ATXN10: variants seen among roughly 807,000 people sequenced by gnomAD.
The protein encoded by ATXN10 is ataxin-10.
Under a neutral mutation model 52.9 loss-of-function variants are expected in ATXN10, and 28 were observed. The ratio of observed to expected loss-of-function variants is 0.53; its 90% CI spans 0.39 to 0.73. The LOEUF (loss-of-function observed/expected upper bound fraction) is 0.73, where lower values mean the gene tolerates loss of function less well. ATXN10 is among the 30% of genes least tolerant of loss of function. The probability of loss-of-function intolerance (pLI) is 0.00; values close to 1 mark genes in which losing one functional copy is unlikely to be tolerated. For missense variants in ATXN10, 565 were observed against 577.0 expected, an observed-to-expected ratio of 0.98 and a Z score of 0.21; for synonymous variants, 226 against 221.5, an observed-to-expected ratio of 1.02 and a Z score of -0.18.
rs1926909635 is a variant in ATXN10 at position 45,775,251 on chromosome 22, C to CT, written c.1174-31707dup. Reference sequence around the variant, plus strand: ...TGGGAGGGCTGGACATAACAGGAGGCTACTGGTCCTGGGCATGGGGCTGTG... The same window carrying CT: ...TGGGAGGGCTGGACATAACAGGAGGCTTACTGGTCCTGGGCATGGGGCTGTG... On this transcript the variant is annotated intron_variant, in intron 9 of 11. Transcript: ENST00000252934. This position sits in a 1 kb window ranked among gnomAD's most constrained non-coding sequence, Gnocchi z 4.7. Among the ~76,000 whole-genome samples, 1 of 152,170 alleles carries CT rather than the reference C, an allele frequency of 6.6e-6. No homozygotes were observed. Among genetic ancestry groups the CT allele is most frequent in the Non-Finnish European group, 1.5e-5 (1 of 68,030 alleles).
At chr22:45,695,341 A>G (rs1029708006) in intron 3 of ATXN10, among the ~76,000 whole-genome samples, 18 of 151,610 alleles carry the variant, frequency 1.2e-4, no homozygotes, top group African/African-American at 4.4e-4. Flanking sequence ...AAAAAAAAAA[A>G]TTGTCATTGT....
intron 10 of ATXN10, among the ~76,000 whole-genome samples, chr22:45,807,451 G>A (rs1928138892): frequency 6.6e-6 from 1 of 152,212 alleles, no homozygotes; most frequent in Non-Finnish European, 1.5e-5. Context: ...TGGCAACGTA[G>A]AAACATGAGG....
chr22:45,808,897 T>C (rs1002730287), intron 10 of ATXN10, among the ~76,000 whole-genome samples: 5 of 152,236 alleles, frequency 3.3e-5, no homozygotes, highest in African/African-American at 1.2e-4. Context: ...CAGTGAAATA[T>C]TGCAAGATCA....
intron 9 of ATXN10, among the ~76,000 whole-genome samples, chr22:45,788,753 C>T (rs749133392): frequency 2.0e-5 from 3 of 151,992 alleles, no homozygotes; most frequent in South Asian, 2.1e-4. Context: ...AACTCCTGAG[C>T]GATCCTCCCA....
chr22:45,747,828 C>T (rs1925793019), intron 9 of ATXN10, among the ~76,000 whole-genome samples: 1 of 152,066 alleles, frequency 6.6e-6, no homozygotes, highest in Admixed American at 6.5e-5. Context: ...TGTCTGTAAT[C>T]CTAGTACTTT....
intron 6 of ATXN10, among the ~76,000 whole-genome samples, chr22:45,719,817 A>C (rs1924581770): frequency 6.6e-6 from 1 of 151,994 alleles, no homozygotes; most frequent in South Asian, 2.1e-4. Context: ...CTTCTGGAGG[A>C]GATGAGCTGT....
In ATXN10 at chr22:45,842,850, G is replaced by A; in HGVS notation, c.1238-141G>A. ...TGTTTGCACTTGAGATGCATATTCAGAGAATGCATCCTCAAGAAAACTTGT... is the reference window on the plus strand; with the variant it reads ...TGTTTGCACTTGAGATGCATATTCAAAGAATGCATCCTCAAGAAAACTTGT... On this transcript the variant is annotated intron_variant, in intron 10 of 11. Coordinates refer to ENST00000252934, the MANE Select transcript of ATXN10 (RefSeq NM_013236.4). The surrounding 1 kb of genome is among the most constrained non-coding windows in gnomAD (Gnocchi z 4.8). 1 of 904,528 alleles carries A rather than the reference G, an allele frequency of 1.1e-6. No homozygotes were observed. The highest frequency in any genetic ancestry group is 2.5e-5 in the East Asian group (1 of 39,392). The allele number at this position is 904,528 out of a possible 1,614,324, so 56.0% of individuals were successfully genotyped here.
chr22:45,714,587 G>T (rs758589337), intron 5 of ATXN10, among the ~76,000 whole-genome samples: 14 of 152,012 alleles, frequency 9.2e-5, no homozygotes, highest in Non-Finnish European at 1.8e-4. Flanking sequence ...TCACTATGTT[G>T]CCCAGGCTGG....
rs142442735 is a variant in ATXN10, at chr22:45,781,365, C to T, written c.1174-25594C>T. Among the ~76,000 whole-genome samples, 1 of 152,146 alleles carries T rather than the reference C, an allele frequency of 6.6e-6. No homozygotes were observed. Among genetic ancestry groups the T allele is most frequent in the Non-Finnish European group, 1.5e-5 (1 of 68,030 alleles). ...TAGGGAGCATGAACAACCAGCTCTG[C>T]CCAGCAGTAGTGAGGCACCCCTCTC... On this transcript the variant is annotated intron_variant, in intron 9 of 11. Transcript: ENST00000252934. This position sits in a 1 kb window ranked among gnomAD's most constrained non-coding sequence, Gnocchi z 4.2.
At chr22:45,672,856 T>G (rs1258501346) in intron 1 of ATXN10, 2 of 152,284 alleles carry the variant, frequency 1.3e-5, no homozygotes, top group Non-Finnish European at 2.9e-5. Flanking sequence ...ACTGTGCAGT[T>G]TCTCCAGGCC....
intron 9 of ATXN10, chr22:45,793,742 C>T (rs1461090183): frequency 1.4e-6 from 2 of 1,431,860 alleles, no homozygotes; most frequent in Middle Eastern, 1.8e-4. Context: ...GCTCTTGCCA[C>T]CCCCGATTCC....
chr22:45,729,372 A>G, intron 6 of ATXN10, 53 bp from the exon 7 acceptor site: 1 of 1,578,230 alleles, frequency 6.3e-7, no homozygotes, highest in South Asian at 1.1e-5. Flanking sequence ...TATTTTTAGC[A>G]TTGTATAATT....
chr22:45,694,986 A>G (rs1923545507), intron 3 of ATXN10, among the ~76,000 whole-genome samples: 2 of 148,922 alleles, frequency 1.3e-5, no homozygotes, highest in South Asian at 4.3e-4. Context: ...AGAAAATTTT[A>G]ATGTAAATTT....
rs182346800 is a variant in ATXN10 at position 45,818,422 on chromosome 22, C to G, written c.1237+11400C>G. On this transcript the variant is annotated intron_variant, in intron 10 of 11. Coordinates refer to ENST00000252934, the MANE Select transcript of ATXN10 (RefSeq NM_013236.4). The surrounding 1 kb of genome is among the most constrained non-coding windows in gnomAD (Gnocchi z 4.6). Reference sequence around the variant, plus strand: ...TCTCCCTGGCTCTCAGGAGTCAAAGCGCATCTGGTTCTGCTTGTCTGGTTT... The same window carrying G: ...TCTCCCTGGCTCTCAGGAGTCAAAGGGCATCTGGTTCTGCTTGTCTGGTTT... 3.3e-5 allele frequency among the ~76,000 whole-genome samples: 5 copies of G among 152,258 alleles called. No homozygotes were observed. The highest frequency in any genetic ancestry group is 5.9e-5 in the Non-Finnish European group (4 of 68,032).
At chr22:45,836,016 C>T (rs369407103) in intron 10 of ATXN10, among the ~76,000 whole-genome samples, 6 of 152,066 alleles carry the variant, frequency 3.9e-5, no homozygotes, top group African/African-American at 1.2e-4. Context: ...GATGTTCTGT[C>T]GTATTAAAAT....
intron 9 of ATXN10, among the ~76,000 whole-genome samples, chr22:45,801,241 T>C (rs576811424): frequency 6.6e-6 from 1 of 152,352 alleles, no homozygotes; most frequent in South Asian, 2.1e-4. Flanking sequence ...GATTCATTTG[T>C]TCTGGGGTTG....
Position 45,740,378 on chromosome 22 carries a change from G to A in ATXN10, c.1013G>A (p.Arg338Gln), listed in dbSNP as rs766922978. 8.7e-6 allele frequency: 14 copies of A among 1,613,668 alleles called. No homozygotes were observed. Among genetic ancestry groups the A allele is most frequent in the East Asian group, 6.7e-5 (3 of 44,838 alleles). Reference sequence around the variant, plus strand: ...ACTCTTTTGGTTATAGATCTTTTGCGGGTGATTCATGTAGCTGGAAAAGAA... The same window carrying A: ...ACTCTTTTGGTTATAGATCTTTTGCAGGTGATTCATGTAGCTGGAAAAGAA... ...GLLERVIDLLRVIHVAGKETT... is the reference protein window; with the variant it reads ...GLLERVIDLLQVIHVAGKETT... Residue 338 changes from arginine to glutamine, a missense_variant, in exon 9 of 12, where the codon CGG (arginine) becomes CAG (glutamine). Transcript: ENST00000252934.
rs190575757 is a variant in ATXN10 at position 45,775,964 on chromosome 22, C to T, written c.1174-30995C>T. 3.8e-3 allele frequency among the ~76,000 whole-genome samples: 586 copies of T among 152,284 alleles called. 6 individuals carry two copies. Among genetic ancestry groups the T allele is most frequent in the African/African-American group, 0.013 (558 of 41,558 alleles). ...CCGACATCTGTGGCCACTCCACAGCCCATTGGTTCCGTCCTTGACCCACAC... is the reference window on the plus strand; with the variant it reads ...CCGACATCTGTGGCCACTCCACAGCTCATTGGTTCCGTCCTTGACCCACAC... On this transcript the variant is annotated intron_variant, in intron 9 of 11. Coordinates refer to ENST00000252934, the MANE Select transcript of ATXN10 (RefSeq NM_013236.4). The surrounding 1 kb of genome is among the most constrained non-coding windows in gnomAD (Gnocchi z 4.7).
In ATXN10 at chr22:45,835,277, C is replaced by T. The variant is rs551849284; in HGVS notation, c.1238-7714C>T. 2.3e-4 allele frequency among the ~76,000 whole-genome samples: 35 copies of T among 152,298 alleles called. No homozygotes were observed. The highest frequency in any genetic ancestry group is 7.5e-4 in the African/African-American group (31 of 41,538). On this transcript the variant is annotated intron_variant, in intron 10 of 11. Coordinates refer to ENST00000252934, the MANE Select transcript of ATXN10 (RefSeq NM_013236.4). The surrounding 1 kb of genome is among the most constrained non-coding windows in gnomAD (Gnocchi z 5.0). ...TGGGTCCTGCTTTGCCTGGCGCGGG[C>T]GCTTGAGCTTTCACATCTGGGACTG...
Sources: gnomAD v4.1 joint callset for allele counts (sites outside exome capture counted in the v4.1 genomes callset) on GRCh38, gnomAD v4.1.1 for gene constraint, Gnocchi (gnomAD v3.1) non-coding constraint, MANE v1.5 for transcripts, NCBI Gene and HGNC (gene_info 2026-07-23, HGNC 2026-07-21) for gene names.